Variants in GRK4 observed in about 807,000 individuals in gnomAD.
The protein encoded by GRK4 is G protein-coupled receptor kinase 2-like.
A neutral mutation model predicts 77.9 loss-of-function variants in GRK4; 73 were observed. The ratio of observed to expected loss-of-function variants is 0.94; its 90% confidence interval spans 0.78 to 1.14. The LOEUF (loss-of-function observed/expected upper bound fraction) is 1.14, where lower values mean the gene tolerates loss of function less well. Ranked by LOEUF, GRK4 falls within the 50% of genes most tolerant of loss-of-function variation. The probability of loss-of-function intolerance (pLI) is 0.00; values close to 1 mark genes in which losing one functional copy is unlikely to be tolerated. For synonymous variants in GRK4, 257 were observed against 254.4 expected (o/e 1.01, Z -0.10); for missense variants, 729 against 700.2 (o/e 1.04, Z -0.46).
chr4:3,026,990 C>T (rs1281401189), intron 10 of GRK4, among the ~76,000 whole-genome samples: 5 of 152,122 alleles, frequency 3.3e-5, no homozygotes, highest in South Asian at 4.1e-4. Flanking sequence ...AGATAGTGTC[C>T]GCTTCCAGGG....
chr4:2,989,208 C>T (rs1725393753), intron 3 of GRK4, among the ~76,000 whole-genome samples: 1 of 151,726 alleles, frequency 6.6e-6, no homozygotes, highest in African/African-American at 2.4e-5. Context: ...AAAAACTAGA[C>T]CTGGGCAATG....
At chr4:2,968,220 G>A (rs1297823869) in intron 1 of GRK4, among the ~76,000 whole-genome samples, 1 of 151,870 alleles carries the variant, frequency 6.6e-6, no homozygotes, top group Non-Finnish European at 1.5e-5. Context: ...CTTTAACACC[G>A]TCTTATCTCT....
In GRK4 at chr4:2,992,223, T is replaced by C. The variant is rs1274873508; in HGVS notation, c.270T>C (p.Tyr90=). The C allele has an allele frequency of 3.1e-6, 5 of 1,608,098 alleles. No homozygotes were observed. The highest frequency in any genetic ancestry group is 4.3e-6 in the Non-Finnish European group (5 of 1,174,756). Residue 90 remains tyrosine, a synonymous_variant, in exon 4 of 16, where the codon TAT becomes TAC. Transcript: ENST00000398052. The part of the protein sequence containing the change: ...HIEFLDAVAE[Y]EVADDEDRSD... The stretch of plus-strand genomic sequence containing the variant: ...TCCATCTCTCCAATCAGGCAGAATA[T>C]GAAGTTGCCGATGATGAGGACCGAA...
chr4:2,998,527 G>A (rs1293291331), intron 4 of GRK4, among the ~76,000 whole-genome samples: 1 of 151,724 alleles, frequency 6.6e-6, no homozygotes, highest in Non-Finnish European at 1.5e-5. Flanking sequence ...AAGATACTAA[G>A]TCACTATACA....
chr4:2,985,108 C>G (rs924606192), intron 2 of GRK4, among the ~76,000 whole-genome samples: 1 of 151,976 alleles, frequency 6.6e-6, no homozygotes. Context: ...TTTCTATGCA[C>G]GTTTTAAAAA....
In GRK4 at chr4:3,029,289, T is replaced by G. The variant is rs55852353; in HGVS notation, c.1149T>G (p.His383Gln). The G allele has an allele frequency of 1.5e-3, 2,424 of 1,614,100 alleles. 5 individuals carry two copies. Among genetic ancestry groups the G allele is most frequent in the Non-Finnish European group, 1.8e-3 (2,084 of 1,179,938 alleles). The change falls in exon 12 of 16, where the codon CAT becomes CAG. Residue 383 changes from histidine (H) to glutamine (Q), a missense_variant. Coordinates refer to ENST00000398052, the MANE Select transcript of GRK4 (RefSeq NM_182982.3). ...GCLIYEMIQGHSPFKKYKEKV... is the reference protein window; with the variant it reads ...GCLIYEMIQGQSPFKKYKEKV... ...TGATCTATGAAATGATTCAGGGACA[T>G]TCTCCATTCAAAAAATACAAAGAGA...
intron 7 of GRK4, among the ~76,000 whole-genome samples, chr4:3,010,302 C>A (rs1434602116): frequency 2.0e-5 from 3 of 152,110 alleles, no homozygotes; most frequent in Non-Finnish European, 4.4e-5. Flanking sequence ...TCTCAGCTCA[C>A]CACAACCTCC....
At chr4:3,007,970 AG>A in intron 6 of GRK4, 142 bp downstream of exon 6, 1 of 538,158 alleles carries the variant, frequency 1.9e-6, no homozygotes, top group Non-Finnish European at 3.3e-6. Context: ...GCCTGTGAAT[AG>A]CCACTGCACT....
chr4:3,009,412 A>G (rs1347486382), intron 6 of GRK4, among the ~76,000 whole-genome samples: 30 of 133,016 alleles, frequency 2.3e-4, no homozygotes, highest in African/African-American at 8.8e-4. Flanking sequence ...ACAGAGTGAG[A>G]CTCCATCTCA....
At chr4:3,026,657 G>A (rs1737660162) in intron 10 of GRK4, among the ~76,000 whole-genome samples, 2 of 152,238 alleles carry the variant, frequency 1.3e-5, no homozygotes, top group Admixed American at 1.3e-4. Flanking sequence ...ACATGGCAGA[G>A]CCAGGACTCA....
At chr4:2,978,408 G>A (rs1335906375) in intron 1 of GRK4, among the ~76,000 whole-genome samples, 2 of 152,212 alleles carry the variant, frequency 1.3e-5, no homozygotes, top group East Asian at 1.9e-4. Context: ...GAATTAGGGA[G>A]TAAGCAAAGA....
chr4:2,992,518 A>C (rs1726551446), intron 4 of GRK4, among the ~76,000 whole-genome samples: 1 of 152,032 alleles, frequency 6.6e-6, no homozygotes, highest in South Asian at 2.1e-4. Context: ...TCTCTACAAA[A>C]AAATAAACAA....
chr4:3,040,687 C>T lies in GRK4; in HGVS notation c.*62C>T, dbSNP rs1742153537. 12 of 1,379,804 alleles carry T rather than the reference C, an allele frequency of 8.7e-6. No homozygotes were observed. The highest frequency in any genetic ancestry group is 1.4e-5 in the African/African-American group (1 of 70,744). 85.5% of individuals were successfully genotyped at this position (1,379,804 alleles called of 1,614,324 possible). ...CAGGAAGGAGCATGTGTTAGCGTCT[C>T]GTCCCACCTGGAATTGTAATAAATA... On this transcript the variant is annotated 3_prime_UTR_variant, in exon 16 of 16. Coordinates refer to ENST00000398052, the MANE Select transcript of GRK4 (RefSeq NM_182982.3).
intron 2 of GRK4, chr4:2,985,961 G>A (rs1429332253): frequency 6.8e-6 from 1 of 147,470 alleles, no homozygotes; most frequent in Non-Finnish European, 1.5e-5. Context: ...CTCCAGCCTG[G>A]GTGACAGAAC....
intron 15 of GRK4, among the ~76,000 whole-genome samples, chr4:3,039,866 G>A (rs1741903369): frequency 6.6e-6 from 1 of 152,026 alleles, no homozygotes; most frequent in Non-Finnish European, 1.5e-5. Flanking sequence ...GGAAATAAAT[G>A]CTCCTCCCTG....
At chr4:3,035,281 A>C (rs932403871) in intron 12 of GRK4, 105 bp from the exon 13 acceptor site, 2 of 1,122,294 alleles carry the variant, frequency 1.8e-6, no homozygotes, top group African/African-American at 3.1e-5. Flanking sequence ...TGTTAGATGC[A>C]CCTGCTCTGC....
intron 8 of GRK4, 67 bp downstream of exon 8, chr4:3,013,895 C>T: frequency 6.7e-7 from 1 of 1,486,068 alleles, no homozygotes; most frequent in South Asian, 1.4e-5. Context: ...AGCCGACATG[C>T]CGCTCAGCTC....
chr4:2,968,064 T>A (rs1455710384), intron 1 of GRK4, among the ~76,000 whole-genome samples: 1 of 151,970 alleles, frequency 6.6e-6, no homozygotes, highest in African/African-American at 2.4e-5. Context: ...GTACTGGGAT[T>A]ACAGGCGTGA....
intron 1 of GRK4, among the ~76,000 whole-genome samples, chr4:2,970,607 G>A (rs1365118444): frequency 1.3e-5 from 2 of 150,892 alleles, no homozygotes; most frequent in African/African-American, 2.4e-5. Context: ...GCAGTGAGCC[G>A]AGATCGTGCC....
Sources: gnomAD v4.1 joint callset for allele counts (sites outside exome capture counted in the v4.1 genomes callset) on GRCh38, gnomAD v4.1.1 for gene constraint, MANE v1.5 for transcripts, NCBI Gene and HGNC (gene_info 2026-07-23, HGNC 2026-07-21) for gene names.